MOCOS: variants seen among roughly 807,000 people sequenced by gnomAD.
MOCOS encodes molybdenum cofactor sulfurase.
In MOCOS, 86 loss-of-function variants were observed where a neutral mutation model predicts 83.6. The observed-to-expected ratio is 1.03, with a 90% CI of 0.86 to 1.23. The LOEUF (loss-of-function observed/expected upper bound fraction) is 1.23. MOCOS is among the 50% of genes most tolerant of loss of function. The pLI is 0.00. For synonymous variants in MOCOS, 445 were observed against 434.7 expected, an observed-to-expected ratio of 1.02 and a Z score of -0.29; for missense variants, 1,120 against 1,126.9, an observed-to-expected ratio of 0.99 and a Z score of 0.09.
chr18:36,203,748 T>G (rs7235689), intron 5 of MOCOS, among the ~76,000 whole-genome samples: 13 of 152,172 alleles, frequency 8.5e-5, no homozygotes, highest in Non-Finnish European at 1.8e-4. Context: ...GTCACAGTAA[T>G]GGGACCCTTC....
intron 1 of MOCOS, among the ~76,000 whole-genome samples, chr18:36,190,897 T>C (rs922302063): frequency 6.6e-6 from 1 of 151,188 alleles, no homozygotes; most frequent in Admixed American, 6.6e-5. Context: ...ATTAGCCCGG[T>C]GTGGTGGCAC....
intron 11 of MOCOS, among the ~76,000 whole-genome samples, chr18:36,253,785 T>A (rs1259195201): frequency 6.6e-6 from 1 of 151,894 alleles, no homozygotes; most frequent in African/African-American, 2.4e-5. Flanking sequence ...GGGTCAGATG[T>A]GAGCAGGGGA....
chr18:36,239,199 C>G (rs2091571418), intron 9 of MOCOS, among the ~76,000 whole-genome samples: 1 of 152,064 alleles, frequency 6.6e-6, no homozygotes. Context: ...GGTGATTTTG[C>G]TCGTTACTTG....
At chr18:36,255,065 A>C (rs888791473) in intron 11 of MOCOS, among the ~76,000 whole-genome samples, 2 of 152,136 alleles carry the variant, frequency 1.3e-5, no homozygotes, top group Non-Finnish European at 2.9e-5. Context: ...AAGCAACATA[A>C]GTATATTATA....
At chr18:36,255,512 T>C (rs545112109) in intron 11 of MOCOS, among the ~76,000 whole-genome samples, 5 of 152,294 alleles carry the variant, frequency 3.3e-5, no homozygotes, top group African/African-American at 9.6e-5. Context: ...CTGGAGATTG[T>C]TGGTCCCTGA....
chr18:36,200,178 C>T lies in MOCOS; in HGVS notation c.795C>T (p.Ile265=), dbSNP rs1400231897. The T allele has an allele frequency of 1.2e-6, 2 of 1,614,212 alleles. No individual in the cohort carries two copies. Among genetic ancestry groups the T allele is most frequent in the East Asian group, 4.5e-5 (2 of 44,880 alleles). Residue 265 remains isoleucine, a synonymous_variant, in exon 4 of 15, where the codon ATC becomes ATT. Coordinates refer to ENST00000261326, the MANE Select transcript of MOCOS (RefSeq NM_017947.4). ...TTGTCCCCATCTCCTTCTATAAGATCTTCGGGTTTCCTACAGGCCTGGGCG... is the reference window on the plus strand; with the variant it reads ...TTGTCCCCATCTCCTTCTATAAGATTTTCGGGTTTCCTACAGGCCTGGGCG... ...ADFVPISFYK[I]FGFPTGLGAL...
chr18:36,235,172 T>A (rs1405505044), intron 9 of MOCOS, among the ~76,000 whole-genome samples: 1 of 151,440 alleles, frequency 6.6e-6, no homozygotes, highest in East Asian at 1.9e-4. Context: ...AGGGTACATG[T>A]GCACATTGTG....
chr18:36,262,164 C>A (rs1362583664), intron 13 of MOCOS, among the ~76,000 whole-genome samples: 4 of 151,678 alleles, frequency 2.6e-5, no homozygotes, highest in Non-Finnish European at 4.4e-5. Flanking sequence ...AGAAATCTAT[C>A]CCATAGAAAC....
In MOCOS at chr18:36,200,274, G is replaced by A. The variant is rs368463866; in HGVS notation, c.891G>A (p.Ala297=). The part of the protein sequence containing the change: ...KTYFGGGTAS[A]YLAGEDFYIP... ...ACTTTGGAGGAGGGACAGCCTCTGC[G>A]TACCTAGCAGGAGAAGACTTCTACA... Residue 297 remains alanine, a synonymous_variant, in exon 4 of 15, where the codon GCG becomes GCA. Transcript: ENST00000261326. 222 of 1,614,024 alleles carry A rather than the reference G, an allele frequency of 1.4e-4. No homozygotes were observed. Among genetic ancestry groups the A allele is most frequent in the Non-Finnish European group, 1.7e-4 (197 of 1,180,022 alleles).
chr18:36,256,934 G>A, intron 11 of MOCOS, 34 bp from the exon 12 acceptor site: 1 of 1,547,448 alleles, frequency 6.5e-7, no homozygotes, highest in Non-Finnish European at 8.9e-7. Flanking sequence ...TTCTGAGAAA[G>A]CAACTCTTCT....
At chr18:36,258,485 C>T (rs1053121452) in intron 12 of MOCOS, among the ~76,000 whole-genome samples, 2 of 152,160 alleles carry the variant, frequency 1.3e-5, no homozygotes, top group African/African-American at 4.8e-5. Context: ...TTGTGGTCCT[C>T]ATAGGTTGTG....
intron 9 of MOCOS, among the ~76,000 whole-genome samples, chr18:36,221,075 T>C (rs1731170881): frequency 6.6e-6 from 1 of 152,242 alleles, no homozygotes; most frequent in Non-Finnish European, 1.5e-5. Context: ...ACATGAATGA[T>C]CAAACCAATA....
At chr18:36,250,569 ATCT>A (rs1329199337) in intron 10 of MOCOS, among the ~76,000 whole-genome samples, 2 of 152,184 alleles carry the variant, frequency 1.3e-5, no homozygotes, top group Non-Finnish European at 2.9e-5. Context: ...CACACTCTAC[ATCT>A]TCTTACCAGT....
intron 2 of MOCOS, among the ~76,000 whole-genome samples, chr18:36,198,400 CT>C (rs1455930501): frequency 6.6e-6 from 1 of 152,156 alleles, no homozygotes; most frequent in East Asian, 1.9e-4. Flanking sequence ...AACCAAATCA[CT>C]TTTTATTTTA....
At chr18:36,234,673 A>C (rs1469204345) in intron 9 of MOCOS, among the ~76,000 whole-genome samples, 1 of 152,134 alleles carries the variant, frequency 6.6e-6, no homozygotes, top group East Asian at 1.9e-4. Context: ...GCATTAGTCC[A>C]TTTGTATTGT....
intron 11 of MOCOS, among the ~76,000 whole-genome samples, chr18:36,254,608 C>G (rs927234254): frequency 6.7e-6 from 1 of 149,102 alleles, no homozygotes; most frequent in African/African-American, 2.5e-5. Flanking sequence ...TATATATATA[C>G]ACACACACAT....
intron 9 of MOCOS, among the ~76,000 whole-genome samples, chr18:36,247,302 G>A (rs1027740468): frequency 2.6e-5 from 4 of 152,184 alleles, no homozygotes; most frequent in Admixed American, 1.3e-4. Flanking sequence ...AAGCAAGCAG[G>A]GCTCTCAGGC....
At chr18:36,239,395 G>A (rs2091572405) in intron 9 of MOCOS, among the ~76,000 whole-genome samples, 1 of 146,344 alleles carries the variant, frequency 6.8e-6, no homozygotes, top group South Asian at 2.1e-4. Context: ...CACTTATGAA[G>A]CTTAGTTTGG....
chr18:36,228,836 GAAA>G (rs34976015), intron 9 of MOCOS, among the ~76,000 whole-genome samples: 254 of 116,388 alleles, frequency 2.2e-3, no homozygotes, highest in African/African-American at 5.3e-3. Flanking sequence ...CTTAAAAGTT[GAAA>G]AAAAAAAAAA....
Sources: allele counts gnomAD v4.1 joint callset (sites outside exome capture counted in the v4.1 genomes callset), GRCh38; gene constraint gnomAD v4.1.1; transcripts MANE v1.5; gene names NCBI Gene and HGNC (gene_info 2026-07-23, HGNC 2026-07-21).